The following PLPPR1 variants were observed in gnomAD, a reference collection of about 807,000 sequenced individuals.
PLPPR1 encodes the protein phospholipid phosphatase-related protein type 1.
In PLPPR1, 10 loss-of-function variants were observed where a neutral mutation model predicts 33.1. The ratio of observed to expected loss-of-function variants is 0.30; its 90% CI spans 0.19 to 0.51. The LOEUF (loss-of-function observed/expected upper bound fraction) is 0.51, where lower values mean the gene tolerates loss of function less well. Ranked by LOEUF, PLPPR1 falls within the 20% of genes least tolerant of loss-of-function variation. The probability of loss-of-function intolerance (pLI) is 0.97; values close to 1 mark genes in which losing one functional copy is unlikely to be tolerated. For missense variants in PLPPR1, 304 were observed against 408.1 expected, an observed-to-expected ratio of 0.74 and a Z score of 2.20; for synonymous variants, 151 against 151.0, an observed-to-expected ratio of 1.00 and a Z score of 0.00.
intron 2 of PLPPR1, among the ~76,000 whole-genome samples, chr9:101,255,163 A>G (rs1405759782): frequency 6.6e-6 from 1 of 152,160 alleles, no homozygotes; most frequent in Non-Finnish European, 1.5e-5. Flanking sequence ...TTTCTCTAGC[A>G]TTTGGCTGGT....
intron 4 of PLPPR1, among the ~76,000 whole-genome samples, chr9:101,292,266 A>T (rs544100970): frequency 0.048 from 7,359 of 152,140 alleles, 539 homozygotes; most frequent in African/African-American, 0.16. Flanking sequence ...AAATGAACAA[A>T]GCCTCCAAGA....
chr9:101,243,892 G>A (rs1347267346), intron 2 of PLPPR1, among the ~76,000 whole-genome samples: 1 of 151,850 alleles, frequency 6.6e-6, no homozygotes. Flanking sequence ...GGGAGTATAT[G>A]ACATTCCTCC....
chr9:101,139,455 T>C (rs1831419945), intron 1 of PLPPR1, among the ~76,000 whole-genome samples: 1 of 152,198 alleles, frequency 6.6e-6, no homozygotes, highest in Non-Finnish European at 1.5e-5. Context: ...AAGCTTTTCA[T>C]ATTTGTTTAC....
chr9:101,275,510 G>A (rs1828174819), intron 3 of PLPPR1, among the ~76,000 whole-genome samples: 1 of 152,186 alleles, frequency 6.6e-6, no homozygotes. Context: ...GGGATTTACT[G>A]TGTCCCCGTT....
chr9:101,035,856 C>G (rs746106915), intron 1 of PLPPR1, among the ~76,000 whole-genome samples: 6 of 152,098 alleles, frequency 3.9e-5, no homozygotes, highest in African/African-American at 1.2e-4. Context: ...CACAAGGAAA[C>G]TGAGAACTAA....
chr9:101,192,029 T>C (rs940499920), intron 2 of PLPPR1, among the ~76,000 whole-genome samples: 3 of 152,224 alleles, frequency 2.0e-5, no homozygotes, highest in Non-Finnish European at 2.9e-5. Flanking sequence ...ATAAATAATA[T>C]GAAGTTCAGC....
intron 1 of PLPPR1, among the ~76,000 whole-genome samples, chr9:101,169,663 TA>T (rs33935662): frequency 0.031 from 4,574 of 149,750 alleles, 206 homozygotes; most frequent in African/African-American, 0.098. Flanking sequence ...CTCAGACTTT[TA>T]AAAAAAAATT....
In PLPPR1 at chr9:101,125,137, C is replaced by T. The variant is rs149153546; in HGVS notation, c.-45-60313C>T. Reference sequence around the variant, plus strand: ...TCTTTAGGGCACTGACCTTATATTGCTAGTCTTTGCTTTTGTACCTCTTTA... The same window carrying T: ...TCTTTAGGGCACTGACCTTATATTGTTAGTCTTTGCTTTTGTACCTCTTTA... On this transcript the variant is annotated intron_variant, in intron 1 of 7. Coordinates refer to ENST00000374874, the MANE Select transcript of PLPPR1 (RefSeq NM_207299.2). Among the ~76,000 whole-genome samples the T allele has an allele frequency of 3.0e-3, 447 of 151,142 alleles. 9 individuals carry two copies. Among genetic ancestry groups the T allele is most frequent in the East Asian group, 4.1e-3 (21 of 5,172 alleles).
chr9:101,134,863 G>C (rs16919935), intron 1 of PLPPR1, among the ~76,000 whole-genome samples: 1,960 of 152,256 alleles, frequency 0.013, 43 homozygotes, highest in African/African-American at 0.045. Flanking sequence ...TAAACCTTGG[G>C]AGAATCAGAG....
In PLPPR1 at chr9:101,142,788, G is replaced by A. The variant is rs56006213; in HGVS notation, c.-45-42662G>A. On this transcript the variant is annotated intron_variant, in intron 1 of 7. Transcript: ENST00000374874. ...GCATTAAGGATTCAGTGATGAACAG[G>A]ACAGACAAAGCCCCTGTCCTCAAGG... Among the ~76,000 whole-genome samples, 853 of 152,094 alleles carry A rather than the reference G, an allele frequency of 5.6e-3. 8 individuals carry two copies. The highest frequency in any genetic ancestry group is 0.019 in the African/African-American group (797 of 41,494).
intron 2 of PLPPR1, among the ~76,000 whole-genome samples, chr9:101,246,055 A>AATAT (rs58070017): frequency 2.2e-4 from 19 of 85,654 alleles, no homozygotes; most frequent in East Asian, 3.9e-4. Flanking sequence ...ATTGAATATG[A>AATAT]ATATATATAT....
At chr9:101,308,638 T>A (rs934849844) in intron 4 of PLPPR1, among the ~76,000 whole-genome samples, 2 of 151,798 alleles carry the variant, frequency 1.3e-5, no homozygotes, top group African/African-American at 2.4e-5. Flanking sequence ...CAAGCAAAGT[T>A]TCTAGAATAA....
At chr9:101,128,408 A>G (rs527816209) in intron 1 of PLPPR1, among the ~76,000 whole-genome samples, 1 of 152,340 alleles carries the variant, frequency 6.6e-6, no homozygotes, top group East Asian at 1.9e-4. Context: ...GAGATATAAT[A>G]ATAATCTTAC....
At chr9:101,317,562 C>T in intron 7 of PLPPR1, 66 bp downstream of exon 7, 1 of 1,436,588 alleles carries the variant, frequency 7.0e-7, no homozygotes, top group South Asian at 1.3e-5. Context: ...CAGTATCAAT[C>T]CATGAATACC....
At chr9:101,164,745 G>C (rs774945433) in intron 1 of PLPPR1, among the ~76,000 whole-genome samples, 15 of 151,970 alleles carry the variant, frequency 9.9e-5, no homozygotes, top group Admixed American at 3.3e-4. Context: ...AAAAATTAAA[G>C]GGGAAAGATG....
intron 4 of PLPPR1, among the ~76,000 whole-genome samples, chr9:101,294,417 A>T (rs1212752284): frequency 2.6e-5 from 4 of 152,112 alleles, no homozygotes; most frequent in Non-Finnish European, 2.9e-5. Flanking sequence ...ATTCCAATCA[A>T]TAGAAAAAGA....
intron 2 of PLPPR1, among the ~76,000 whole-genome samples, chr9:101,263,161 A>G (rs1035338868): frequency 5.3e-5 from 8 of 152,230 alleles, no homozygotes; most frequent in African/African-American, 1.9e-4. Flanking sequence ...AATTTAAAAA[A>G]AGAAAAATTT....
chr9:101,152,004 A>G (rs1254344028), intron 1 of PLPPR1, among the ~76,000 whole-genome samples: 1 of 152,232 alleles, frequency 6.6e-6, no homozygotes, highest in African/African-American at 2.4e-5. Flanking sequence ...ACTAGTTTAC[A>G]GTCCCACCAA....
intron 2 of PLPPR1, among the ~76,000 whole-genome samples, chr9:101,238,041 G>GTATA (rs559336914): frequency 7.9e-6 from 1 of 126,104 alleles, no homozygotes; most frequent in Non-Finnish European, 1.7e-5. Context: ...AGAGAAATGT[G>GTATA]TATATATATA....
Sources: allele counts gnomAD v4.1 joint callset (sites outside exome capture counted in the v4.1 genomes callset), GRCh38; gene constraint gnomAD v4.1.1; transcripts MANE v1.5; gene names NCBI Gene and HGNC (gene_info 2026-07-23, HGNC 2026-07-21).